Variants in HNF4G observed in about 807,000 individuals in gnomAD.
The protein encoded by HNF4G is hepatocyte nuclear factor 4-gamma.
In HNF4G, 21 loss-of-function variants were observed where a neutral mutation model predicts 50.9. The ratio of observed to expected loss-of-function variants is 0.41; its 90% CI spans 0.29 to 0.59. The LOEUF (loss-of-function observed/expected upper bound fraction) is 0.59, where lower values mean the gene tolerates loss of function less well. Ranked by LOEUF, HNF4G falls within the 20% of genes least tolerant of loss-of-function variation. HNF4G has a pLI of 0.26. For synonymous variants in HNF4G, 198 were observed against 185.6 expected (o/e 1.07, Z -0.54); for missense variants, 527 against 559.4 (o/e 0.94, Z 0.58).
intron 1 of HNF4G, among the ~76,000 whole-genome samples, chr8:75,434,479 G>A (rs572489774): frequency 3.3e-5 from 5 of 151,996 alleles, no homozygotes; most frequent in Non-Finnish European, 5.9e-5. Context: ...GCAAATAGAT[G>A]AGATAAACAA....
At chr8:75,543,608 T>C (rs963988350) in intron 1 of HNF4G, among the ~76,000 whole-genome samples, 1 of 152,136 alleles carries the variant, frequency 6.6e-6, no homozygotes, top group Non-Finnish European at 1.5e-5. Context: ...CTAAGCCCTA[T>C]GGTGTCCCAA....
intron 1 of HNF4G, among the ~76,000 whole-genome samples, chr8:75,413,338 G>A (rs1377363929): frequency 1.5e-5 from 2 of 137,164 alleles, no homozygotes; most frequent in South Asian, 2.7e-4. Context: ...AGGGAGGGGA[G>A]GGGAGGGGTG....
intron 2 of HNF4G, among the ~76,000 whole-genome samples, chr8:75,502,731 TGAA>T (rs982461989): frequency 6.6e-6 from 1 of 152,180 alleles, no homozygotes; most frequent in African/African-American, 2.4e-5. Flanking sequence ...ATAATTGCTT[TGAA>T]GTAATTTGAC....
intron 1 of HNF4G, among the ~76,000 whole-genome samples, chr8:75,467,927 C>T (rs1812023343): frequency 6.6e-6 from 1 of 152,062 alleles, no homozygotes; most frequent in South Asian, 2.1e-4. Context: ...AGGTGATTCA[C>T]ATTCACGTTA....
At chr8:75,524,802 G>C (rs1806137220) in intron 2 of HNF4G, among the ~76,000 whole-genome samples, 1 of 152,190 alleles carries the variant, frequency 6.6e-6, no homozygotes. Flanking sequence ...AAAGATTAAA[G>C]TAGACAGAAT....
chr8:75,410,687 C>A (rs541572428), intron 1 of HNF4G, among the ~76,000 whole-genome samples: 1 of 152,174 alleles, frequency 6.6e-6, no homozygotes, highest in South Asian at 2.1e-4. Context: ...AGATTCACAC[C>A]CCTAGGGCAA....
chr8:75,522,238 G>T (rs1193323005), intron 2 of HNF4G, among the ~76,000 whole-genome samples: 1 of 152,130 alleles, frequency 6.6e-6, no homozygotes, highest in Non-Finnish European at 1.5e-5. Flanking sequence ...GCCTATTACT[G>T]TCTGACTGTG....
chr8:75,457,481 C>T (rs927670308), intron 1 of HNF4G, among the ~76,000 whole-genome samples: 10 of 152,108 alleles, frequency 6.6e-5, no homozygotes, highest in Non-Finnish European at 1.2e-4. Flanking sequence ...CTAAACTGAA[C>T]GTGTCCAGGA....
At chr8:75,510,162 T>G (rs1805712481) in intron 2 of HNF4G, among the ~76,000 whole-genome samples, 1 of 152,022 alleles carries the variant, frequency 6.6e-6, no homozygotes, top group Admixed American at 6.6e-5. Flanking sequence ...TGTCTTAATA[T>G]TTTAACAAAA....
intron 2 of HNF4G, among the ~76,000 whole-genome samples, chr8:75,546,136 G>T (rs1368774043): frequency 6.6e-6 from 1 of 151,982 alleles, no homozygotes; most frequent in Non-Finnish European, 1.5e-5. Flanking sequence ...TAAATAAACA[G>T]GTACATATCA....
chr8:75,426,203 T>C (rs1473351254), intron 1 of HNF4G, among the ~76,000 whole-genome samples: 1 of 152,218 alleles, frequency 6.6e-6, no homozygotes, highest in Non-Finnish European at 1.5e-5. Flanking sequence ...TTTTAGACTT[T>C]TATTGTCATA....
At chr8:75,545,282 A>T (rs995025252) in intron 2 of HNF4G, among the ~76,000 whole-genome samples, 41 of 131,656 alleles carry the variant, frequency 3.1e-4, no homozygotes, top group African/African-American at 1.1e-3. Context: ...TAAAATGATG[A>T]TCCAAACAAC....
intron 2 of HNF4G, among the ~76,000 whole-genome samples, chr8:75,515,458 T>A (rs537266608): frequency 1.3e-5 from 2 of 152,224 alleles, no homozygotes; most frequent in South Asian, 4.1e-4. Context: ...CTCACATGAT[T>A]GTTAAGGCTG....
rs530963357 is a variant in HNF4G at position 75,493,994 on chromosome 8, A to C, written c.-24+3786A>C. 2.0e-4 allele frequency among the ~76,000 whole-genome samples: 30 copies of C among 152,296 alleles called. No homozygotes were observed. The South Asian group carries it at 5.2e-3, about 26-fold the overall frequency. ...ACCCTCCATATATTAATATTTTTCCAATGTGATATCTCTGAGCAGCATTGT... is the reference window on the plus strand; with the variant it reads ...ACCCTCCATATATTAATATTTTTCCCATGTGATATCTCTGAGCAGCATTGT... On this transcript the variant is annotated intron_variant, in intron 2 of 10. Coordinates refer to the HNF4G transcript ENST00000354370.
intron 1 of HNF4G, among the ~76,000 whole-genome samples, chr8:75,423,248 CTCT>C (rs1352218931): frequency 1.3e-5 from 2 of 151,876 alleles, no homozygotes; most frequent in Non-Finnish European, 2.9e-5. Context: ...AGTATAATCC[CTCT>C]TCTTTTGGCT....
At chr8:75,553,971 AT>A (rs918934208) in intron 5 of HNF4G, among the ~76,000 whole-genome samples, 8 of 152,090 alleles carry the variant, frequency 5.3e-5, no homozygotes, top group Non-Finnish European at 1.0e-4. Context: ...GTAGGGTATA[AT>A]TTTTTGTAGA....
At chr8:75,465,821 T>C (rs1200213525) in intron 1 of HNF4G, among the ~76,000 whole-genome samples, 3 of 152,164 alleles carry the variant, frequency 2.0e-5, no homozygotes, top group African/African-American at 7.2e-5. Flanking sequence ...AATTGAACTT[T>C]CTTGACTAAC....
At chr8:75,555,865 T>C (rs1447899217) in intron 5 of HNF4G, 117 bp from the exon 6 acceptor site, 8 of 494,256 alleles carry the variant, frequency 1.6e-5, no homozygotes, top group South Asian at 1.1e-4. Flanking sequence ...ATGAATACTA[T>C]AGTTTGTTAA....
chr8:75,540,037 A>T lies in HNF4G; in HGVS notation c.75A>T (p.Thr25=). ...GTGAAGTTTTGGACCCAACTTACACAACTTTGGAGTTTGAAACTATGCAGA... is the reference window on the plus strand; with the variant it reads ...GTGAAGTTTTGGACCCAACTTACACTACTTTGGAGTTTGAAACTATGCAGA... The part of the protein sequence containing the change: ...NYSEVLDPTY[T]TLEFETMQIL... The change falls in exon 1 of 10, where the codon ACA becomes ACT. Residue 25 remains threonine, a synonymous_variant. Transcript: ENST00000396423. 1 of 1,609,636 alleles carries T rather than the reference A, an allele frequency of 6.2e-7. No homozygotes were observed. Among genetic ancestry groups the T allele is most frequent in the Non-Finnish European group, 8.5e-7 (1 of 1,176,006 alleles).
Sources: allele counts gnomAD v4.1 joint callset (sites outside exome capture counted in the v4.1 genomes callset), GRCh38; gene constraint gnomAD v4.1.1; transcripts MANE v1.5; gene names NCBI Gene and HGNC (gene_info 2026-07-23, HGNC 2026-07-21).